TRPC7: variants seen among roughly 807,000 people sequenced by gnomAD.
TRPC7 encodes the protein short transient receptor potential channel 7.
A neutral mutation model predicts 90.1 loss-of-function variants in TRPC7; 42 were observed. The ratio of observed to expected loss-of-function variants is 0.47; its 90% CI spans 0.36 to 0.60. The LOEUF (loss-of-function observed/expected upper bound fraction) is 0.60, where lower values mean the gene tolerates loss of function less well. Ranked by LOEUF, TRPC7 falls within the 20% of genes least tolerant of loss-of-function variation. The pLI, the probability that TRPC7 is intolerant of heterozygous loss-of-function variation, is 0.00. For synonymous variants in TRPC7, 451 were observed against 436.3 expected (o/e 1.03, Z -0.42); for missense variants, 955 against 1,112.3 (o/e 0.86, Z 2.01).
chr5:136,311,110 C>T (rs755242272), intron 3 of TRPC7, among the ~76,000 whole-genome samples: 2 of 152,144 alleles, frequency 1.3e-5, no homozygotes, highest in Admixed American at 6.5e-5. Context: ...CTCTCTCATG[C>T]AAAACCGGAC....
intron 1 of TRPC7, among the ~76,000 whole-genome samples, chr5:136,360,747 C>T (rs895769881): frequency 6.6e-6 from 1 of 152,118 alleles, no homozygotes; most frequent in African/African-American, 2.4e-5. Context: ...ATGGCATGTG[C>T]TACTCAGTGA....
intron 10 of TRPC7, among the ~76,000 whole-genome samples, chr5:136,220,146 C>A (rs753128766): frequency 3.3e-5 from 5 of 152,142 alleles, no homozygotes; most frequent in Non-Finnish European, 7.3e-5. Flanking sequence ...TTTAAGTGTA[C>A]AAATTTATTG....
intron 7 of TRPC7, among the ~76,000 whole-genome samples, chr5:136,243,925 T>C (rs970855315): frequency 1.3e-5 from 2 of 152,072 alleles, no homozygotes; most frequent in African/African-American, 4.8e-5. Context: ...TTCCCTCTCC[T>C]AGAAGGTCTG....
chr5:136,263,052 T>G (rs1756907577), intron 5 of TRPC7, among the ~76,000 whole-genome samples: 1 of 152,252 alleles, frequency 6.6e-6, no homozygotes, highest in African/African-American at 2.4e-5. Flanking sequence ...TTCTTTTGAA[T>G]GTTTGTTGAA....
intron 10 of TRPC7, among the ~76,000 whole-genome samples, chr5:136,220,856 C>A (rs1755431914): frequency 6.6e-6 from 1 of 152,114 alleles, no homozygotes; most frequent in Admixed American, 6.6e-5. Flanking sequence ...TATGATGTCA[C>A]CCCCGGAGGC....
At chr5:136,262,859 T>G (rs148472078) in intron 5 of TRPC7, among the ~76,000 whole-genome samples, 198 of 152,194 alleles carry the variant, frequency 1.3e-3, no homozygotes, top group Non-Finnish European at 2.1e-3. Flanking sequence ...CGGAGAGGGA[T>G]CCCAGAAGCA....
At chr5:136,305,028 A>C (rs898826774) in intron 3 of TRPC7, among the ~76,000 whole-genome samples, 2 of 152,090 alleles carry the variant, frequency 1.3e-5, no homozygotes, top group Admixed American at 6.6e-5. Flanking sequence ...CACTCTCTAC[A>C]TTTCTCATAA....
At chr5:136,287,725 AAAAAC>A (rs1561702563) in intron 3 of TRPC7, among the ~76,000 whole-genome samples, 6 of 131,928 alleles carry the variant, frequency 4.5e-5, no homozygotes, top group East Asian at 2.1e-4. Context: ...AAAAAAAAAA[AAAAAC>A]CCAGAAAAAA....
rs1755144955 is a variant in TRPC7 at position 136,213,096 on chromosome 5, G to A, written c.*339C>T. ...AGAGCTGCAGTCCCACCTGCAGTGG[G>A]AGGGCACAGGTGTGCACCCAAGATG... On this transcript the variant is annotated 3_prime_UTR_variant, in exon 12 of 12. Coordinates refer to ENST00000513104, the MANE Select transcript of TRPC7 (RefSeq NM_020389.3). 6.6e-6 allele frequency among the ~76,000 whole-genome samples: 1 copy of A among 152,184 alleles called. No individual in the cohort carries two copies. The highest frequency in any genetic ancestry group is 1.5e-5 in the Non-Finnish European group (1 of 68,038).
chr5:136,357,199 C>A lies in TRPC7; in HGVS notation c.189G>T (p.Leu63=), dbSNP rs759246259. 6.2e-7 allele frequency: 1 copy of A among 1,613,940 alleles called. No individual in the cohort carries two copies. Among genetic ancestry groups the A allele is most frequent in the Non-Finnish European group, 8.5e-7 (1 of 1,180,010 alleles). Residue 63 remains leucine (L), a synonymous_variant, in exon 2 of 12, where the codon CTG becomes CTT. Coordinates refer to ENST00000513104, the MANE Select transcript of TRPC7 (RefSeq NM_020389.3). The part of the protein sequence containing the change: ...YGNIPVVRKM[L]EESKTLNFNC... ...TGAAGTTAAGGGTCTTGGACTCCTC[C>A]AGCATTTTCCGGACCACCGGGATGT... is the stretch of plus-strand genomic sequence containing the variant.
chr5:136,305,786 C>T (rs1433312630), intron 3 of TRPC7, among the ~76,000 whole-genome samples: 1 of 152,162 alleles, frequency 6.6e-6, no homozygotes, highest in South Asian at 2.1e-4. Flanking sequence ...ACCTTTATAT[C>T]CCTTACAGTC....
intron 2 of TRPC7, among the ~76,000 whole-genome samples, chr5:136,348,570 C>A (rs1760084399): frequency 6.6e-6 from 1 of 152,202 alleles, no homozygotes; most frequent in Non-Finnish European, 1.5e-5. Context: ...CTCCCCTTGA[C>A]AATAAGGTCC....
intron 3 of TRPC7, among the ~76,000 whole-genome samples, chr5:136,309,898 T>A (rs936021329): frequency 2.0e-5 from 3 of 152,200 alleles, no homozygotes; most frequent in African/African-American, 7.2e-5. Flanking sequence ...ACCCCTCCTG[T>A]TTCCTTTCCA....
chr5:136,248,189 A>G (rs1002814821), intron 6 of TRPC7, among the ~76,000 whole-genome samples: 2 of 152,228 alleles, frequency 1.3e-5, no homozygotes, highest in South Asian at 2.1e-4. Flanking sequence ...AGCGCGAGGA[A>G]TAAGATGGGC....
Position 136,225,354 on chromosome 5 carries a change from T to C in TRPC7, c.2263A>G (p.Lys755Glu). The C allele has an allele frequency of 6.2e-7, 1 of 1,612,376 alleles. No individual in the cohort carries two copies. The highest frequency in any genetic ancestry group is 8.5e-7 in the Non-Finnish European group (1 of 1,179,364). Residue 755 changes from lysine (K) to glutamate (E), a missense_variant and splice_region_variant, in exon 10 of 12, where the codon AAG (lysine) becomes GAG (glutamate). By Grantham distance (56) the Lys-to-Glu change is moderately conservative. Transcript: ENST00000513104. Reference sequence around the variant, plus strand: ...CTCATGCCAGCCTGGTAGCGAGTCTTCTGGATAAAACAAACAAACCCACAC... The same window carrying C: ...CTCATGCCAGCCTGGTAGCGAGTCTCCTGGATAAAACAAACAAACCCACAC... ...EMGMLNSKFK[K>E]TRYQAGMRNS...
chr5:136,348,061 G>C (rs1760068170), intron 2 of TRPC7, among the ~76,000 whole-genome samples: 1 of 152,164 alleles, frequency 6.6e-6, no homozygotes, highest in African/African-American at 2.4e-5. Flanking sequence ...TCCTACATAG[G>C]CCTTCCAACT....
chr5:136,359,160 C>T (rs1050171281), intron 1 of TRPC7, among the ~76,000 whole-genome samples: 11 of 152,102 alleles, frequency 7.2e-5, no homozygotes, highest in Admixed American at 2.6e-4. Context: ...GCTCATTGTA[C>T]CTTTCGACCT....
At chr5:136,296,608 A>G (rs1018664458) in intron 3 of TRPC7, among the ~76,000 whole-genome samples, 5 of 152,218 alleles carry the variant, frequency 3.3e-5, no homozygotes, top group Admixed American at 2.0e-4. Flanking sequence ...AAATTTTTAC[A>G]TTCTACTGCC....
chr5:136,274,221 T>C (rs1757290485), intron 4 of TRPC7, among the ~76,000 whole-genome samples: 1 of 152,322 alleles, frequency 6.6e-6, no homozygotes, highest in South Asian at 2.1e-4. Context: ...ACCTACTTCA[T>C]AAAGCATACA....
Sources: gnomAD v4.1 joint callset for allele counts (sites outside exome capture counted in the v4.1 genomes callset) on GRCh38, gnomAD v4.1.1 for gene constraint, MANE v1.5 for transcripts, NCBI Gene and HGNC (gene_info 2026-07-23, HGNC 2026-07-21) for gene names.